RPTOR: variants seen among roughly 807,000 people sequenced by gnomAD.
RPTOR encodes the protein regulatory associated protein of MTOR complex 1.
In RPTOR, 21 loss-of-function variants were observed where a neutral mutation model predicts 169.9. The observed-to-expected ratio is 0.12, with a 90% CI of 0.09 to 0.18. The LOEUF (loss-of-function observed/expected upper bound fraction) is 0.18. Among genes scored for constraint, RPTOR ranks in the 10% least tolerant of loss-of-function variants. RPTOR has a pLI of 1.00. For missense variants in RPTOR, 1,133 were observed against 1,855.9 expected, an observed-to-expected ratio of 0.61 and a Z score of 7.16; for synonymous variants, 732 against 753.2, an observed-to-expected ratio of 0.97 and a Z score of 0.46.
chr17:80,791,438 C>T lies in RPTOR; in HGVS notation c.831-12C>T, dbSNP rs368214365. The T allele has an allele frequency of 1.6e-5, 25 of 1,611,748 alleles. No homozygotes were observed. The highest frequency in any genetic ancestry group is 2.0e-5 in the Non-Finnish European group (23 of 1,179,350). ...CCATTCATGCCGTTCACATTCTTTT[C>T]TTTCTCTGCAGGTTTTGCATGCAGA... On this transcript the variant is annotated splice_polypyrimidine_tract_variant and intron_variant, in intron 6 of 33. Transcript: ENST00000306801.
At chr17:80,887,365 G>T (rs192870376) in intron 17 of RPTOR, among the ~76,000 whole-genome samples, 1 of 125,816 alleles carries the variant, frequency 7.9e-6, no homozygotes, top group Admixed American at 7.8e-5. Context: ...TACCGACTCC[G>T]GGGGTGTGCT....
At chr17:80,637,658 T>A (rs2065518663) in intron 2 of RPTOR, among the ~76,000 whole-genome samples, 1 of 152,264 alleles carries the variant, frequency 6.6e-6, no homozygotes. Flanking sequence ...AGCTGCATGC[T>A]GAGCAGGGAG....
At chr17:80,855,611 TCA>T in intron 12 of RPTOR, 64 bp downstream of exon 12, 1 of 1,240,316 alleles carries the variant, frequency 8.1e-7, no homozygotes, top group Non-Finnish European at 1.2e-6. Context: ...GCTCCGTGTT[TCA>T]GTCTGTGCAC....
At chr17:80,862,369 A>C (rs2067926827) in intron 13 of RPTOR, among the ~76,000 whole-genome samples, 1 of 152,004 alleles carries the variant, frequency 6.6e-6, no homozygotes, top group Non-Finnish European at 1.5e-5. Context: ...ATAACTTCCC[A>C]GAGATGAAAG....
chr17:80,545,437 C>T lies in RPTOR; in HGVS notation c.-193C>T. 1 of 472,826 alleles carries T rather than the reference C, an allele frequency of 2.1e-6. No individual in the cohort carries two copies. Among genetic ancestry groups the T allele is most frequent in the East Asian group, 3.4e-5 (1 of 29,208 alleles). 29.3% of individuals were successfully genotyped at this position (472,826 alleles called of 1,614,324 possible). On this transcript the variant is annotated 5_prime_UTR_variant, in exon 1 of 34. Transcript: ENST00000306801. Reference sequence around the variant, plus strand: ...CATTTCCTAGCGGCCCCCACCTCCCCACTTCCCGCTCAGAGTTAGAGATAA... The same window carrying T: ...CATTTCCTAGCGGCCCCCACCTCCCTACTTCCCGCTCAGAGTTAGAGATAA...
At chr17:80,872,995 G>GC (rs1567960334) in intron 13 of RPTOR, among the ~76,000 whole-genome samples, 2 of 152,248 alleles carry the variant, frequency 1.3e-5, no homozygotes, top group Non-Finnish European at 2.9e-5. Context: ...CACTGAGGAG[G>GC]CCCCGGGGGG....
chr17:80,841,048 G>T (rs1471474089), intron 10 of RPTOR, among the ~76,000 whole-genome samples: 1 of 9,776 alleles, frequency 1.0e-4, no homozygotes, highest in Non-Finnish European at 1.5e-4. Context: ...CACACTCACC[G>T]CACGGCAGCT....
intron 4 of RPTOR, among the ~76,000 whole-genome samples, chr17:80,729,166 G>T (rs947501149): frequency 6.6e-6 from 1 of 152,194 alleles, no homozygotes; most frequent in Non-Finnish European, 1.5e-5. Flanking sequence ...CTTCCTGCAC[G>T]CCATACTTCC....
chr17:80,863,263 G>A lies in RPTOR; in HGVS notation c.1509+5363G>A, dbSNP rs76323316. On this transcript the variant is annotated intron_variant, in intron 13 of 33. Coordinates refer to ENST00000306801, the MANE Select transcript of RPTOR (RefSeq NM_020761.3). ...CACATGAAGAAAGCCGTCTGTCCAG[G>A]ATTCTCCCAGGACTCTGATCCCAGA... 7.9e-3 allele frequency among the ~76,000 whole-genome samples: 1,199 copies of A among 152,178 alleles called. 16 individuals are homozygous for A. The highest frequency in any genetic ancestry group is 0.028 in the African/African-American group (1,160 of 41,478).
chr17:80,728,407 T>G (rs2066358560), intron 4 of RPTOR, among the ~76,000 whole-genome samples: 1 of 151,816 alleles, frequency 6.6e-6, no homozygotes, highest in Admixed American at 6.6e-5. Context: ...AATGAAAATT[T>G]TCCTGTGCTT....
In RPTOR at chr17:80,730,392, A is replaced by G. The variant is rs1038763941; in HGVS notation, c.508-168A>G. On this transcript the variant is annotated intron_variant, in intron 4 of 33. Coordinates refer to ENST00000306801, the MANE Select transcript of RPTOR (RefSeq NM_020761.3). This position sits in a 1 kb window ranked among gnomAD's most constrained non-coding sequence, Gnocchi z 4.2. ...AAGTGCTGAGATTCAGGTGTGAGCC[A>G]TTGCGCCTGGCCAGTTTGCTGTTTT... 8.5e-5 allele frequency among the ~76,000 whole-genome samples: 13 copies of G among 152,136 alleles called. No individual in the cohort carries two copies. The highest frequency in any genetic ancestry group is 3.1e-4 in the African/African-American group (13 of 41,428).
intron 20 of RPTOR, among the ~76,000 whole-genome samples, chr17:80,903,179 G>T (rs1287344438): frequency 6.6e-6 from 1 of 152,250 alleles, no homozygotes; most frequent in Non-Finnish European, 1.5e-5. Flanking sequence ...GTGCAGCTGT[G>T]GCAAGCGCCC....
intron 13 of RPTOR, among the ~76,000 whole-genome samples, chr17:80,865,459 C>G (rs1255970636): frequency 6.6e-6 from 1 of 152,174 alleles, no homozygotes; most frequent in Non-Finnish European, 1.5e-5. Flanking sequence ...GGGAAGAGCT[C>G]TGCCATGCAG....
At chr17:80,687,766 A>T (rs1319255879) in intron 3 of RPTOR, among the ~76,000 whole-genome samples, 1 of 152,188 alleles carries the variant, frequency 6.6e-6, no homozygotes, top group Non-Finnish European at 1.5e-5. Context: ...CTTCCCTGAG[A>T]TGGAGGCGTA....
chr17:80,906,768 G>C (rs2068547834), intron 20 of RPTOR, among the ~76,000 whole-genome samples: 1 of 152,082 alleles, frequency 6.6e-6, no homozygotes, highest in Admixed American at 6.5e-5. Context: ...TGACCTCCTA[G>C]ATGGCAGCGT....
At chr17:80,924,754 A>G (rs957967426) in intron 23 of RPTOR, among the ~76,000 whole-genome samples, 1 of 152,226 alleles carries the variant, frequency 6.6e-6, no homozygotes, top group Non-Finnish European at 1.5e-5. Flanking sequence ...AGACGCCAGC[A>G]GGCCACATGG....
At chr17:80,874,994 C>A (rs545466805) in intron 13 of RPTOR, among the ~76,000 whole-genome samples, 22 of 152,304 alleles carry the variant, frequency 1.4e-4, no homozygotes, top group African/African-American at 5.1e-4. Context: ...TGCGTGAAAT[C>A]GCGCGTGGTA....
chr17:80,578,709 G>C lies in RPTOR; in HGVS notation c.162+32918G>C, dbSNP rs540354928. Among the ~76,000 whole-genome samples the C allele has an allele frequency of 4.6e-5, 7 of 152,304 alleles. No homozygotes were observed. The East Asian group carries it at 1.4e-3, about 29-fold the overall frequency. ...GCAGGTGCTGCTGCTAGGGCTGGGG[G>C]AACAAATAGAAGAGGCTGGAGTTAC... On this transcript the variant is annotated intron_variant, in intron 1 of 33. Coordinates refer to ENST00000306801, the MANE Select transcript of RPTOR (RefSeq NM_020761.3).
chr17:80,940,484 CTGT>C lies in RPTOR; in HGVS notation c.2920-6_2920-4del, dbSNP rs1567999491. On this transcript the variant is annotated splice_polypyrimidine_tract_variant and intron_variant, in intron 24 of 33. Coordinates refer to ENST00000306801, the MANE Select transcript of RPTOR (RefSeq NM_020761.3). ...ATCGCTGGGCTTAACTGGGTGTTTT[CTGT>C]TGTTGAAGATCCCAGAAGAGCACGA... 4 of 1,610,888 alleles carry C rather than the reference CTGT, an allele frequency of 2.5e-6. No individual in the cohort carries two copies. The South Asian group carries it at 3.3e-5, about 13-fold the overall frequency.
Sources: gnomAD v4.1 joint callset for allele counts (sites outside exome capture counted in the v4.1 genomes callset) on GRCh38, gnomAD v4.1.1 for gene constraint, Gnocchi (gnomAD v3.1) non-coding constraint, MANE v1.5 for transcripts, NCBI Gene and HGNC (gene_info 2026-07-23, HGNC 2026-07-21) for gene names.